The following VPS13B variants were observed in gnomAD, a reference collection of about 807,000 sequenced individuals.
VPS13B encodes intermembrane lipid transfer protein VPS13B.
A neutral mutation model predicts 426.4 loss-of-function variants in VPS13B; 285 were observed. The observed-to-expected ratio is 0.67, with a 90% CI of 0.61 to 0.74. VPS13B has a LOEUF of 0.74. VPS13B is among the 30% of genes least tolerant of loss of function. The pLI, the probability that VPS13B is intolerant of heterozygous loss-of-function variation, is 0.00. For missense variants in VPS13B, 4,537 were observed against 4,782.6 expected (o/e 0.95, Z 1.51); for synonymous variants, 1,676 against 1,676.4 (o/e 1.00, Z 0.01).
At chr8:99,777,444 A>G (rs1433610430) in intron 41 of VPS13B, among the ~76,000 whole-genome samples, 3 of 152,140 alleles carry the variant, frequency 2.0e-5, no homozygotes, top group Non-Finnish European at 4.4e-5. Flanking sequence ...TCGTTTTTTT[A>G]TAACCATCAG....
At chr8:99,045,314 C>T (rs1405717888) in intron 3 of VPS13B, among the ~76,000 whole-genome samples, 1 of 152,050 alleles carries the variant, frequency 6.6e-6, no homozygotes, top group African/African-American at 2.4e-5. Context: ...GTGATGTGAA[C>T]ATTTTTTCAT....
intron 30 of VPS13B, among the ~76,000 whole-genome samples, chr8:99,539,174 A>G (rs982205645): frequency 6.6e-6 from 1 of 152,194 alleles, no homozygotes; most frequent in African/African-American, 2.4e-5. Flanking sequence ...ATGTGAAGAA[A>G]ATTTTAAAAA....
intron 19 of VPS13B, among the ~76,000 whole-genome samples, chr8:99,302,953 T>G (rs577627719): frequency 6.6e-6 from 1 of 152,140 alleles, no homozygotes; most frequent in South Asian, 2.1e-4. Context: ...ATCTGTGTAA[T>G]ATGATGAAAA....
At chr8:99,286,735 A>G (rs1045875378) in intron 19 of VPS13B, among the ~76,000 whole-genome samples, 2 of 152,192 alleles carry the variant, frequency 1.3e-5, no homozygotes, top group Non-Finnish European at 2.9e-5. Flanking sequence ...GTTATTTCCT[A>G]AGAGGCTTGC....
chr8:99,032,635 T>C (rs1302809390), intron 2 of VPS13B, among the ~76,000 whole-genome samples: 1 of 151,346 alleles, frequency 6.6e-6, no homozygotes, highest in Admixed American at 6.6e-5. Context: ...GTTCACGCCA[T>C]TCTCCTGCCT....
At chr8:99,403,274 C>T (rs1815141229) in intron 21 of VPS13B, among the ~76,000 whole-genome samples, 2 of 152,076 alleles carry the variant, frequency 1.3e-5, no homozygotes, top group South Asian at 4.2e-4. Context: ...AGGTCTTATC[C>T]AGTGCCTATT....
At chr8:99,824,798 A>C (rs1814577618) in intron 51 of VPS13B, among the ~76,000 whole-genome samples, 1 of 151,088 alleles carries the variant, frequency 6.6e-6, no homozygotes, top group Admixed American at 6.6e-5. Flanking sequence ...TGATTGTTCA[A>C]CTCCCACTTA....
At chr8:99,402,117 G>A (rs1181196723) in intron 21 of VPS13B, among the ~76,000 whole-genome samples, 1 of 152,172 alleles carries the variant, frequency 6.6e-6, no homozygotes, top group African/African-American at 2.4e-5. Flanking sequence ...ATCCTGTGGT[G>A]CAGATTCACT....
intron 2 of VPS13B, among the ~76,000 whole-genome samples, chr8:99,033,253 A>C (rs1311480309): frequency 6.6e-6 from 1 of 152,184 alleles, no homozygotes; most frequent in East Asian, 1.9e-4. Flanking sequence ...AGTATATTTT[A>C]ATTTGCTTGC....
intron 31 of VPS13B, among the ~76,000 whole-genome samples, chr8:99,561,798 C>T (rs569861731): frequency 6.6e-6 from 1 of 152,336 alleles, no homozygotes; most frequent in African/African-American, 2.4e-5. Context: ...ATCATCTGTA[C>T]ACTACAATTT....
chr8:99,320,220 G>T (rs1419826806), intron 19 of VPS13B, among the ~76,000 whole-genome samples: 1 of 152,116 alleles, frequency 6.6e-6, no homozygotes, highest in Non-Finnish European at 1.5e-5. Flanking sequence ...TGGGATAAAG[G>T]TCCGCCTTAA....
At chr8:99,134,792 G>C (rs1399982761) in intron 9 of VPS13B, 65 bp downstream of exon 9, 9 of 1,344,234 alleles carry the variant, frequency 6.7e-6, no homozygotes, top group Non-Finnish European at 8.4e-6. Flanking sequence ...ATAAATACCT[G>C]TTTTTATCAG....
chr8:99,481,090 A>T (rs1368740057), intron 24 of VPS13B, among the ~76,000 whole-genome samples: 1 of 152,154 alleles, frequency 6.6e-6, no homozygotes, highest in Admixed American at 6.5e-5. Context: ...TTATCTATTA[A>T]AAAAAAGTCT....
intron 20 of VPS13B, among the ~76,000 whole-genome samples, chr8:99,389,956 A>G (rs1161186737): frequency 3.3e-5 from 5 of 152,124 alleles, no homozygotes; most frequent in Non-Finnish European, 2.9e-5. Flanking sequence ...ACTTAACAAT[A>G]TAAGGAGCAT....
intron 3 of VPS13B, among the ~76,000 whole-genome samples, chr8:99,071,368 T>C (rs1483805252): frequency 6.6e-6 from 1 of 152,154 alleles, no homozygotes; most frequent in East Asian, 1.9e-4. Flanking sequence ...AGTATTGCCT[T>C]TGTGGTCTTC....
intron 13 of VPS13B, 144 bp from the exon 14 acceptor site, chr8:99,147,697 T>A: frequency 2.6e-6 from 1 of 384,780 alleles, no homozygotes; most frequent in Non-Finnish European, 4.2e-6. Context: ...TTGTTAAAGG[T>A]AACTTATTAT....
intron 34 of VPS13B, among the ~76,000 whole-genome samples, chr8:99,647,751 G>T (rs1829649639): frequency 6.6e-6 from 1 of 151,996 alleles, no homozygotes; most frequent in Non-Finnish European, 1.5e-5. Flanking sequence ...GATAACGCTG[G>T]TTATCTCAAG....
chr8:99,183,770 G>A (rs987253941), intron 16 of VPS13B, among the ~76,000 whole-genome samples: 6 of 151,828 alleles, frequency 4.0e-5, no homozygotes, highest in Admixed American at 6.6e-5. Context: ...ACTATATTGA[G>A]GTATAATTTA....
chr8:99,596,980 C>T (rs1465812879), intron 33 of VPS13B, among the ~76,000 whole-genome samples: 1 of 152,016 alleles, frequency 6.6e-6, no homozygotes, highest in Non-Finnish European at 1.5e-5. Flanking sequence ...TTCCTCAATA[C>T]TTCGAACATA....
Sources: gnomAD v4.1 joint callset for allele counts (sites outside exome capture counted in the v4.1 genomes callset) on GRCh38, gnomAD v4.1.1 for gene constraint, MANE v1.5 for transcripts, NCBI Gene and HGNC (gene_info 2026-07-23, HGNC 2026-07-21) for gene names.